CAPN9: variants seen among roughly 807,000 people sequenced by gnomAD.
The protein encoded by CAPN9 is calpain 9.
CAPN9 carries 81 observed loss-of-function variants against 92.8 expected under a neutral mutation model. That is an observed-to-expected ratio of 0.87 (90% CI 0.73 to 1.05). The LOEUF (loss-of-function observed/expected upper bound fraction) is 1.05, where lower values mean the gene tolerates loss of function less well. Ranked by LOEUF, CAPN9 falls within the 50% of genes least tolerant of loss-of-function variation. The pLI, the probability that CAPN9 is intolerant of heterozygous loss-of-function variation, is 0.00. For synonymous variants in CAPN9, 304 were observed against 328.0 expected (o/e 0.93, Z 0.79); for missense variants, 848 against 866.2 (o/e 0.98, Z 0.26).
At chr1:230,791,090 G>A (rs567179033) in intron 14 of CAPN9, among the ~76,000 whole-genome samples, 9 of 152,112 alleles carry the variant, frequency 5.9e-5, no homozygotes, top group Admixed American at 3.9e-4. Flanking sequence ...ACATTCCATC[G>A]TATGGATGGG....
intron 7 of CAPN9, among the ~76,000 whole-genome samples, chr1:230,772,923 G>C (rs1190272127): frequency 6.6e-6 from 1 of 152,118 alleles, no homozygotes; most frequent in Non-Finnish European, 1.5e-5. Flanking sequence ...AGGTGACTAA[G>C]AACCAGGGAT....
At chr1:230,790,359 T>A (rs1667897745) in intron 14 of CAPN9, 170 bp downstream of exon 14, 9 of 971,556 alleles carry the variant, frequency 9.3e-6, no homozygotes, top group Non-Finnish European at 1.1e-5. Flanking sequence ...CCAAAAACGA[T>A]GCAGGTTTAT....
intron 1 of CAPN9, among the ~76,000 whole-genome samples, chr1:230,749,261 G>A (rs1664615560): frequency 6.6e-6 from 1 of 152,218 alleles, no homozygotes; most frequent in Admixed American, 6.5e-5. Flanking sequence ...GTGAGGTCAC[G>A]GCACTGGCAG....
chr1:230,763,222 T>C (rs1287991405), intron 4 of CAPN9, among the ~76,000 whole-genome samples: 1 of 152,200 alleles, frequency 6.6e-6, no homozygotes, highest in Non-Finnish European at 1.5e-5. Flanking sequence ...GTATATGACA[T>C]ATCGATAAAT....
intron 18 of CAPN9, among the ~76,000 whole-genome samples, 169 bp from the exon 19 acceptor site, chr1:230,797,993 C>T (rs1668459853): frequency 6.6e-6 from 1 of 152,116 alleles, no homozygotes; most frequent in Non-Finnish European, 1.5e-5. Context: ...TCACCTTCAG[C>T]CCGCCCTTGA....
At chr1:230,761,689 C>T (rs1665652527) in intron 3 of CAPN9, among the ~76,000 whole-genome samples, 1 of 152,054 alleles carries the variant, frequency 6.6e-6, no homozygotes, top group Non-Finnish European at 1.5e-5. Context: ...AACCACTGTG[C>T]CTACCCTCCT....
chr1:230,779,043 G>A lies in CAPN9; in HGVS notation c.1024G>A (p.Glu342Lys), dbSNP rs16852652. The A allele has an allele frequency of 6.4e-3, 10,253 of 1,613,138 alleles. 498 individuals are homozygous for A. In the African/African-American group the frequency reaches 0.11, roughly 18 times the overall value. ...EICNLTPDALEEDAIHKWEVT... is the reference protein window; with the variant it reads ...EICNLTPDALKEDAIHKWEVT... ...CTGCAACCTCACTCCCGATGCCCTG[G>A]AGGAAGACGCGATCCACAAATGGGA... The change falls in exon 9 of 20, where the codon GAG (glutamate) becomes AAG (lysine). Residue 342 changes from glutamate to lysine, a missense_variant. By Grantham distance (56) the Glu-to-Lys change is moderately conservative (BLOSUM62 1). Transcript: ENST00000271971.
intron 2 of CAPN9, among the ~76,000 whole-genome samples, chr1:230,756,831 A>T (rs919555874): frequency 6.6e-6 from 1 of 152,094 alleles, no homozygotes; most frequent in Non-Finnish European, 1.5e-5. Context: ...AGTTCCAGCT[A>T]CTTGGTAGGC....
At chr1:230,798,265 C>T (rs758044977) in intron 19 of CAPN9, 45 bp downstream of exon 19, 6 of 1,295,070 alleles carry the variant, frequency 4.6e-6, no homozygotes, top group Non-Finnish European at 6.7e-6. Flanking sequence ...AGCTGGGGCC[C>T]AGCAGAGTCC....
intron 1 of CAPN9, among the ~76,000 whole-genome samples, chr1:230,754,639 C>CA (rs58791351): frequency 0.033 from 4,093 of 124,438 alleles, 106 homozygotes; most frequent in African/African-American, 0.067. Context: ...CCCATCTCCA[C>CA]AAAAAAAAAA....
Position 230,779,083 on chromosome 1 carries a change from A to G in CAPN9, c.1064A>G (p.Gln355Arg). The part of the protein sequence containing the change: ...AIHKWEVTVH[Q>R]GSWVRGSTAG... ...CACAAATGGGAGGTGACGGTCCATCAGGGAAGCTGGGTTCGCGGCTCCACG... is the reference window on the plus strand; with the variant it reads ...CACAAATGGGAGGTGACGGTCCATCGGGGAAGCTGGGTTCGCGGCTCCACG... The change falls in exon 9 of 20, where the codon CAG (glutamine) becomes CGG (arginine). Residue 355 changes from glutamine to arginine, a missense_variant. By Grantham distance (43) the Gln-to-Arg change is conservative. Coordinates refer to ENST00000271971, the MANE Select transcript of CAPN9 (RefSeq NM_006615.3). 4 of 1,613,394 alleles carry G rather than the reference A, an allele frequency of 2.5e-6. No homozygotes were observed. The highest frequency in any genetic ancestry group is 3.4e-6 in the Non-Finnish European group (4 of 1,179,960).
intron 18 of CAPN9, 143 bp from the exon 19 acceptor site, chr1:230,798,019 C>T (rs1471249451): frequency 4.4e-6 from 3 of 676,986 alleles, no homozygotes; most frequent in Admixed American, 2.3e-5. Context: ...GTCCCATCGC[C>T]GCCCTTGATG....
chr1:230,800,896 T>G (rs1402552593), intron 19 of CAPN9, among the ~76,000 whole-genome samples: 1 of 152,184 alleles, frequency 6.6e-6, no homozygotes, highest in Non-Finnish European at 1.5e-5. Context: ...CTGGCTGAGT[T>G]GGCCTCACCT....
intron 8 of CAPN9, chr1:230,776,250 G>T (rs1297068093): frequency 6.6e-6 from 1 of 152,128 alleles, no homozygotes; most frequent in Non-Finnish European, 1.5e-5. Flanking sequence ...GCTCTCTGGG[G>T]CCTCTTTTAT....
intron 1 of CAPN9, among the ~76,000 whole-genome samples, chr1:230,753,351 T>A (rs1206687294): frequency 6.6e-6 from 1 of 152,226 alleles, no homozygotes; most frequent in Non-Finnish European, 1.5e-5. Flanking sequence ...TTCTTGAGTA[T>A]TTTAGACACT....
At chr1:230,758,666 G>T (rs1200136327) in intron 2 of CAPN9, among the ~76,000 whole-genome samples, 1 of 152,206 alleles carries the variant, frequency 6.6e-6, no homozygotes, top group Non-Finnish European at 1.5e-5. Flanking sequence ...GTGCTTTCCA[G>T]AAATGTGAAC....
chr1:230,767,638 G>T lies in CAPN9; in HGVS notation c.634G>T (p.Ala212Ser). ...GGCAGAGACCTTCCAAACTAAAGAG[G>T]CCCCCGAGAACTTCTATGAGATTCT... is the stretch of plus-strand genomic sequence containing the variant. ...GVAETFQTKE[A>S]PENFYEILEK... The change falls in exon 5 of 20, where the codon GCC (alanine) becomes TCC (serine). Residue 212 changes from alanine to serine, a missense_variant. Ala to Ser is a moderately conservative substitution (Grantham distance 99, BLOSUM62 1). Coordinates refer to ENST00000271971, the MANE Select transcript of CAPN9 (RefSeq NM_006615.3). 2 of 1,613,796 alleles carry T rather than the reference G, an allele frequency of 1.2e-6. No individual in the cohort carries two copies. The highest frequency in any genetic ancestry group is 2.2e-5 in the South Asian group (2 of 91,034).
rs767082280 is a variant in CAPN9 at position 230,792,477 on chromosome 1, A to G, written c.1774A>G (p.Lys592Glu). 1.2e-6 allele frequency: 2 copies of G among 1,613,920 alleles called. No individual in the cohort carries two copies. Among genetic ancestry groups the G allele is most frequent in the African/African-American group, 2.7e-5 (2 of 74,934 alleles). ...TGATGAATTCAAAGTGTTCTGGGAC[A>G]AGCTGAAGCAGTGGATTGTATGTAA... ...EFDEFKVFWD[K>E]LKQWINLFLR... Residue 592 changes from lysine to glutamate, a missense_variant, in exon 16 of 20, where the codon AAG (lysine) becomes GAG (glutamate). Transcript: ENST00000271971.
At chr1:230,771,498 T>C (rs923312074) in intron 6 of CAPN9, among the ~76,000 whole-genome samples, 2 of 152,218 alleles carry the variant, frequency 1.3e-5, no homozygotes, top group Non-Finnish European at 2.9e-5. Context: ...AAAGCTGTTT[T>C]TGTTTATTGT....
Sources: allele counts gnomAD v4.1 joint callset (sites outside exome capture counted in the v4.1 genomes callset), GRCh38; gene constraint gnomAD v4.1.1; transcripts MANE v1.5; gene names NCBI Gene and HGNC (gene_info 2026-07-23, HGNC 2026-07-21).